The following TMEM131 variants were observed in gnomAD, a reference collection of about 807,000 sequenced individuals.
TMEM131 encodes transmembrane protein 131, also known as 2610524E03Rik.
In TMEM131, 66 loss-of-function variants were observed where a neutral mutation model predicts 211.6. That is an observed-to-expected ratio of 0.31 (90% confidence interval 0.26 to 0.38). The LOEUF (loss-of-function observed/expected upper bound fraction) is 0.38. TMEM131 is among the 10% of genes least tolerant of loss of function. TMEM131 has a pLI of 1.00. For missense variants in TMEM131, 2,036 were observed against 2,299.3 expected (o/e 0.89, Z 2.34); for synonymous variants, 844 against 841.3 (o/e 1.00, Z -0.06).
rs201313610 is a variant in TMEM131 at position 97,762,110 on chromosome 2, G to A, written c.4814C>T (p.Pro1605Leu). 6.7e-5 allele frequency: 108 copies of A among 1,613,162 alleles called. No homozygotes were observed. Among genetic ancestry groups the A allele is most frequent in the South Asian group, 8.8e-5 (8 of 90,956 alleles). The change falls in exon 36 of 41, where the codon CCG (proline) becomes CTG (leucine). Residue 1605 changes from proline to leucine, a missense_variant. Pro to Leu is a moderately conservative substitution (Grantham distance 98). Around this residue, in one of 3 missense-constraint regions of TMEM131, gnomAD observed 1,623 missense variants for 1,805.9 expected, o/e 0.90. Coordinates refer to ENST00000186436, the MANE Select transcript of TMEM131 (RefSeq NM_015348.2). ...QRQTSPTPAS[P>L]SPPAAPCPFV... Reference sequence around the variant, plus strand: ...GGGGCAGGGGGCAGCTGGGGGAGACGGGGAAGCAGGTGTCGGTGAGGTCTG... The same window carrying A: ...GGGGCAGGGGGCAGCTGGGGGAGACAGGGAAGCAGGTGTCGGTGAGGTCTG...
chr2:97,993,852 A>G (rs1057472247), intron 1 of TMEM131, among the ~76,000 whole-genome samples: 1 of 152,256 alleles, frequency 6.6e-6, no homozygotes, highest in Non-Finnish European at 1.5e-5. Context: ...TACCCAGAGT[A>G]AAGTTTTTAT....
At chr2:97,813,553 C>T (rs562753844) in intron 15 of TMEM131, among the ~76,000 whole-genome samples, 1 of 152,230 alleles carries the variant, frequency 6.6e-6, no homozygotes, top group Admixed American at 6.5e-5. Flanking sequence ...TTATTTTCTT[C>T]TTTACTATCT....
At chr2:97,948,650 TTC>T (rs1678156535) in intron 1 of TMEM131, among the ~76,000 whole-genome samples, 1 of 133,440 alleles carries the variant, frequency 7.5e-6, no homozygotes, top group Non-Finnish European at 1.7e-5. Context: ...TGTCAGTAGT[TTC>T]TTTTTTTTTT....
At chr2:97,951,239 G>T (rs1157250108) in intron 1 of TMEM131, among the ~76,000 whole-genome samples, 1 of 152,210 alleles carries the variant, frequency 6.6e-6, no homozygotes, top group African/African-American at 2.4e-5. Context: ...TACTTTTGTA[G>T]TCTGTAGTTC....
At chr2:97,757,448 G>C in intron 40 of TMEM131, 65 bp from the exon 41 acceptor site, 1 of 1,503,670 alleles carries the variant, frequency 6.7e-7, no homozygotes. Flanking sequence ...GGGTAAGGGG[G>C]TAAGGCTACA....
chr2:97,995,689 C>G lies in TMEM131; in HGVS notation c.-27G>C. The G allele has an allele frequency of 1.7e-6, 2 of 1,189,620 alleles. No individual in the cohort carries two copies. The highest frequency in any genetic ancestry group is 2.1e-6 in the Non-Finnish European group (2 of 960,244). The allele number at this position is 1,189,620 out of a possible 1,614,324, so 73.7% of individuals were successfully genotyped here. A position where few individuals can be genotyped will look rare whatever the true frequency, so the allele number is the denominator to read the frequency against. On this transcript the variant is annotated 5_prime_UTR_variant, in exon 1 of 41. Coordinates refer to ENST00000186436, the MANE Select transcript of TMEM131 (RefSeq NM_015348.2). ...CCTGCCGGCCGGGGGCCGCCGCGCTCGAGGTCCGGCGCGGCCCTTCTCGGC... is the reference window on the plus strand; with the variant it reads ...CCTGCCGGCCGGGGGCCGCCGCGCTGGAGGTCCGGCGCGGCCCTTCTCGGC...
At chr2:97,890,057 CA>C (rs1465719782) in intron 3 of TMEM131, among the ~76,000 whole-genome samples, 1 of 152,132 alleles carries the variant, frequency 6.6e-6, no homozygotes, top group African/African-American at 2.4e-5. Context: ...GCGAGTTGAA[CA>C]AGGAGGCTGA....
intron 2 of TMEM131, 41 bp from the exon 3 acceptor site, chr2:97,908,739 A>G: frequency 1.3e-6 from 2 of 1,519,436 alleles, no homozygotes; most frequent in East Asian, 4.5e-5. Flanking sequence ...ACTGAAGCCA[A>G]ATATTTATAT....
chr2:97,892,255 G>A (rs938337436), intron 3 of TMEM131, among the ~76,000 whole-genome samples: 2 of 152,096 alleles, frequency 1.3e-5, no homozygotes, highest in African/African-American at 2.4e-5. Context: ...TCTCTGTTAC[G>A]TGCTGCAAAT....
At chr2:97,899,459 T>C (rs1174325019) in intron 3 of TMEM131, among the ~76,000 whole-genome samples, 1 of 152,022 alleles carries the variant, frequency 6.6e-6, no homozygotes, top group African/African-American at 2.4e-5. Flanking sequence ...AAGAGACAAA[T>C]ATAAGCATGG....
intron 1 of TMEM131, among the ~76,000 whole-genome samples, chr2:97,989,682 C>T (rs1353578571): frequency 6.6e-6 from 1 of 152,200 alleles, no homozygotes; most frequent in Non-Finnish European, 1.5e-5. Context: ...CATACTCTAT[C>T]ATGACTGACC....
Position 97,814,058 on chromosome 2 carries a change from T to C in TMEM131, c.1530A>G (p.Ser510=), listed in dbSNP as rs1251648869. ...AAATGTTGTTATCAATGTGCATGGA[T>C]GATGTGGAAGGCATAAAAAGCAGGG... ...IFTLLFMPST[S]SMHIDNNILL... is the part of the protein sequence containing the mutation. The change falls in exon 15 of 41, where the codon TCA becomes TCG. Residue 510 remains serine, a synonymous_variant. Transcript: ENST00000186436. The C allele has an allele frequency of 1.2e-6, 2 of 1,602,880 alleles. No individual in the cohort carries two copies. The highest frequency in any genetic ancestry group is 1.3e-5 in the African/African-American group (1 of 74,788).
intron 1 of TMEM131, among the ~76,000 whole-genome samples, chr2:97,931,705 A>G (rs111831033): frequency 1.3e-5 from 2 of 152,308 alleles, no homozygotes; most frequent in African/African-American, 4.8e-5. Context: ...AGAAGGCTGG[A>G]CTAGTCAAAT....
At chr2:97,809,202 ACCATT>A (rs1236093129) in intron 19 of TMEM131, among the ~76,000 whole-genome samples, 1 of 152,162 alleles carries the variant, frequency 6.6e-6, no homozygotes, top group African/African-American at 2.4e-5. Context: ...ACCCCCACAG[ACCATT>A]CCATTTTCTC....
intron 1 of TMEM131, among the ~76,000 whole-genome samples, chr2:97,940,946 C>T (rs1354726287): frequency 3.3e-5 from 5 of 152,140 alleles, no homozygotes; most frequent in Non-Finnish European, 7.3e-5. Context: ...CTACCAATGA[C>T]TTTCTTCACA....
At chr2:97,905,213 G>C (rs1300237431) in intron 3 of TMEM131, among the ~76,000 whole-genome samples, 1 of 152,028 alleles carries the variant, frequency 6.6e-6, no homozygotes, top group East Asian at 1.9e-4. Flanking sequence ...GGATATTCCT[G>C]CTGGAAGCAG....
chr2:97,798,418 T>G (rs1353035491), intron 25 of TMEM131, among the ~76,000 whole-genome samples: 4 of 152,264 alleles, frequency 2.6e-5, no homozygotes, highest in Non-Finnish European at 5.9e-5. Flanking sequence ...CTACTCCCCC[T>G]GGCATAGATC....
intron 13 of TMEM131, 123 bp from the exon 14 acceptor site, chr2:97,814,511 T>C: frequency 1.0e-6 from 1 of 991,594 alleles, no homozygotes; most frequent in Non-Finnish European, 1.4e-6. Flanking sequence ...ATTAAAGATT[T>C]AGAACTATAA....
chr2:97,920,970 A>AGT (rs57343769), intron 2 of TMEM131, among the ~76,000 whole-genome samples: 23,519 of 146,516 alleles, frequency 0.16, 2,335 homozygotes, highest in East Asian at 0.29. Context: ...AAAAATCCCG[A>AGT]GTGTGTGTGT....
Sources: allele counts gnomAD v4.1 joint callset (sites outside exome capture counted in the v4.1 genomes callset), GRCh38; gene constraint gnomAD v4.1.1; regional missense constraint gnomAD v4.1.1; transcripts MANE v1.5; gene names NCBI Gene and HGNC (gene_info 2026-07-23, HGNC 2026-07-21).